Variants in FHIT observed in about 807,000 individuals in gnomAD.
FHIT encodes bis(5'-adenosyl)-triphosphatase.
In FHIT, 19 loss-of-function variants were observed where a neutral mutation model predicts 17.9. The ratio of observed to expected loss-of-function variants is 1.06; its 90% CI spans 0.74 to 1.56. The LOEUF (loss-of-function observed/expected upper bound fraction) is 1.56. FHIT is among the 40% of genes most tolerant of loss of function. FHIT has a pLI of 0.00. For synonymous variants in FHIT, 81 were observed against 69.7 expected, an observed-to-expected ratio of 1.16 and a Z score of -0.81; for missense variants, 248 against 189.2, an observed-to-expected ratio of 1.31 and a Z score of -1.82.
intron 4 of FHIT, among the ~76,000 whole-genome samples, chr3:60,566,526 G>A (rs1301065913): frequency 1.3e-5 from 2 of 152,096 alleles, no homozygotes; most frequent in Non-Finnish European, 2.9e-5. Context: ...AAAACTGGAA[G>A]CATTCCCTTT....
At chr3:60,862,397 GC>G (rs1431254553) in intron 3 of FHIT, among the ~76,000 whole-genome samples, 1 of 152,028 alleles carries the variant, frequency 6.6e-6, no homozygotes, top group Non-Finnish European at 1.5e-5. Context: ...CAAACTCCTG[GC>G]CTCAAGGAAT....
chr3:61,180,354 A>G (rs2038300498), intron 2 of FHIT, among the ~76,000 whole-genome samples: 2 of 152,234 alleles, frequency 1.3e-5, no homozygotes, highest in African/African-American at 2.4e-5. Flanking sequence ...AATGTAAACA[A>G]TTGATATGTT....
intron 3 of FHIT, among the ~76,000 whole-genome samples, chr3:60,871,642 A>AT (rs1439808768): frequency 5.3e-5 from 8 of 151,840 alleles, no homozygotes; most frequent in African/African-American, 1.9e-4. Flanking sequence ...GTATTTGTTT[A>AT]TTTTTTTCTG....
chr3:60,601,937 T>A (rs1282677985), intron 4 of FHIT, among the ~76,000 whole-genome samples: 2 of 151,884 alleles, frequency 1.3e-5, no homozygotes, highest in African/African-American at 2.4e-5. Flanking sequence ...ATAGAAAAAG[T>A]CAAAGCTGAA....
In FHIT at chr3:60,677,675, C is replaced by G. The variant is rs566334767; in HGVS notation, c.-17-140696G>C. On this transcript the variant is annotated intron_variant, in intron 4 of 9. Coordinates refer to ENST00000492590, the MANE Select transcript of FHIT (RefSeq NM_002012.4). ...ATATACATATGTATACACTTATATA[C>G]ACACACAGAGCACATTTTCTTTATT... 3.3e-5 allele frequency among the ~76,000 whole-genome samples: 5 copies of G among 151,832 alleles called. No homozygotes were observed. In the East Asian group the frequency reaches 7.8e-4, roughly 24 times the overall value.
At chr3:61,208,181 A>C (rs1246407600) in intron 1 of FHIT, among the ~76,000 whole-genome samples, 7 of 152,114 alleles carry the variant, frequency 4.6e-5, no homozygotes, top group Admixed American at 4.6e-4. Flanking sequence ...TCTGAGAGAC[A>C]GTTTCTTCTA....
At chr3:60,221,879 T>C (rs955253154) in intron 5 of FHIT, among the ~76,000 whole-genome samples, 7 of 152,222 alleles carry the variant, frequency 4.6e-5, no homozygotes, top group African/African-American at 1.7e-4. Context: ...TTTTTTTAAT[T>C]AGGCCTAGTA....
In FHIT at chr3:59,788,879, A is replaced by ATTTATTTTTTTTTTTTTTTTTTT. The variant is rs896400961; in HGVS notation, c.349-36559_349-36558insAAAAAAAAAAAAAAAAAAATAAA. Among the ~76,000 whole-genome samples the ATTTATTTTTTTTTTTTTTTTTTT allele has an allele frequency of 1.2e-3, 4 of 3,306 alleles. 1 individual carries two copies. The highest frequency in any genetic ancestry group is 2.9e-3 in the African/African-American group (3 of 1,026). 2.2% of individuals were successfully genotyped at this position (3,306 alleles called of 152,430 possible). A position where few individuals can be genotyped will look rare whatever the true frequency, so the allele number is the denominator to read the frequency against. On this transcript the variant is annotated intron_variant, in intron 8 of 9. Transcript: ENST00000492590. ...GAACCACGTTCTTTGCTGAGTTCAT[A>ATTTATTTTTTTTTTTTTTTTTTT]TGTTTTTTTTTTTTACCCCATCTCC...
At chr3:61,048,041 A>T (rs79918125) in intron 2 of FHIT, among the ~76,000 whole-genome samples, 79,231 of 148,210 alleles carry the variant, frequency 0.53, 23,984 homozygotes, top group East Asian at 0.78. Flanking sequence ...AACCTAGGCA[A>T]TACCATTCAG....
intron 5 of FHIT, among the ~76,000 whole-genome samples, chr3:60,227,826 C>T (rs1704290398): frequency 6.6e-6 from 1 of 152,138 alleles, no homozygotes; most frequent in African/African-American, 2.4e-5. Context: ...TTCTGGAATG[C>T]TGTACTGACA....
chr3:60,288,535 C>T (rs986501071), intron 5 of FHIT, among the ~76,000 whole-genome samples: 3 of 151,270 alleles, frequency 2.0e-5, no homozygotes, highest in Admixed American at 6.6e-5. Flanking sequence ...TGCAAACCTC[C>T]TTAATCATTC....
At chr3:60,595,918 C>T (rs1553666271) in intron 4 of FHIT, among the ~76,000 whole-genome samples, 1 of 151,968 alleles carries the variant, frequency 6.6e-6, no homozygotes, top group East Asian at 1.9e-4. Context: ...AGCCACCATG[C>T]CTGGTCCCAT....
intron 8 of FHIT, among the ~76,000 whole-genome samples, chr3:59,919,981 G>A (rs185058695): frequency 1.9e-3 from 286 of 152,312 alleles, no homozygotes; most frequent in African/African-American, 6.5e-3. Context: ...CAAAGAGGAA[G>A]ATAAAACTGA....
intron 2 of FHIT, among the ~76,000 whole-genome samples, chr3:61,101,690 G>A (rs2035834921): frequency 6.6e-6 from 1 of 152,154 alleles, no homozygotes; most frequent in Non-Finnish European, 1.5e-5. Flanking sequence ...CCATGAGCAT[G>A]GAATATTCTT....
At chr3:60,177,814 A>C (rs1424619499) in intron 5 of FHIT, among the ~76,000 whole-genome samples, 1 of 152,182 alleles carries the variant, frequency 6.6e-6, no homozygotes, top group Admixed American at 6.5e-5. Flanking sequence ...TCCCACTAAA[A>C]TACTGTCATT....
intron 5 of FHIT, among the ~76,000 whole-genome samples, chr3:60,532,282 G>A (rs760075052): frequency 6.6e-6 from 1 of 152,120 alleles, no homozygotes; most frequent in Non-Finnish European, 1.5e-5. Context: ...TACACTCTCT[G>A]CTGAAGACGA....
At chr3:60,554,241 T>A (rs1399753600) in intron 4 of FHIT, among the ~76,000 whole-genome samples, 1 of 145,806 alleles carries the variant, frequency 6.9e-6, no homozygotes, top group African/African-American at 2.5e-5. Context: ...TCTTAACGGT[T>A]AAAAAAAAAA....
Position 60,536,958 on chromosome 3 carries a change from G to A in FHIT, c.5C>T (p.Ser2Leu), listed in dbSNP as rs755023954. The A allele has an allele frequency of 1.4e-5, 22 of 1,606,910 alleles. No individual in the cohort carries two copies. The highest frequency in any genetic ancestry group is 1.7e-5 in the Admixed American group (1 of 58,758). M[S>L]FRFGQHLIKP... ...GATGAGATGTTGGCCAAATCTGAAC[G>A]ACATGTCCTCACAGTTGAAGTCTAA... Residue 2 changes from serine to leucine, a missense_variant, in exon 5 of 10, where the codon TCG (serine) becomes TTG (leucine). Ser to Leu is a moderately radical substitution (Grantham distance 145). Transcript: ENST00000492590.
chr3:61,032,216 C>T (rs2033041619), intron 3 of FHIT, among the ~76,000 whole-genome samples: 1 of 152,188 alleles, frequency 6.6e-6, no homozygotes, highest in Non-Finnish European at 1.5e-5. Context: ...ACTTTACATA[C>T]AGTAAACTTG....
Sources: gnomAD v4.1 joint callset for allele counts (sites outside exome capture counted in the v4.1 genomes callset) on GRCh38, gnomAD v4.1.1 for gene constraint, MANE v1.5 for transcripts, NCBI Gene and HGNC (gene_info 2026-07-23, HGNC 2026-07-21) for gene names.